The following ZP3 variants were observed in gnomAD, a reference collection of about 807,000 sequenced individuals.
ZP3 encodes zona pellucida glycoprotein 3.
Under a neutral mutation model 35.6 loss-of-function variants are expected in ZP3, and 21 were observed. The observed-to-expected ratio is 0.59, with a 90% CI of 0.42 to 0.85. The LOEUF is 0.85. ZP3 is among the 40% of genes least tolerant of loss of function. The probability of loss-of-function intolerance (pLI) is 0.00; values close to 1 mark genes in which losing one functional copy is unlikely to be tolerated. For synonymous variants in ZP3, 207 were observed against 214.5 expected (o/e 0.96, Z 0.31); for missense variants, 437 against 536.5 (o/e 0.81, Z 1.83).
chr7:76,436,208 C>T (rs1265494072), intron 5 of ZP3, among the ~76,000 whole-genome samples: 1 of 151,892 alleles, frequency 6.6e-6, no homozygotes, highest in Non-Finnish European at 1.5e-5. Flanking sequence ...TACGCCACTA[C>T]TGAGTGCCTG....
intron 2 of ZP3, among the ~76,000 whole-genome samples, chr7:76,432,633 G>C (rs1391777904): frequency 1.3e-5 from 2 of 152,154 alleles, no homozygotes; most frequent in African/African-American, 4.8e-5. Flanking sequence ...TCAAGAGGGA[G>C]CAGATCTCAG....
At chr7:76,416,905 TGTATAC>T (rs1472798382) in intron 1 of ZP3, among the ~76,000 whole-genome samples, 2 of 127,396 alleles carry the variant, frequency 1.6e-5, no homozygotes, top group African/African-American at 6.9e-5. Context: ...CACATACATA[TGTATAC>T]ATACATATAT....
intron 5 of ZP3, among the ~76,000 whole-genome samples, chr7:76,438,538 G>C (rs376316154): frequency 6.8e-4 from 60 of 88,566 alleles, no homozygotes; most frequent in African/African-American, 3.0e-3. Flanking sequence ...CTCCGTCTCA[G>C]AAAAAAAAAA....
intron 1 of ZP3, among the ~76,000 whole-genome samples, chr7:76,427,448 G>A (rs1191349855): frequency 4.0e-5 from 6 of 150,160 alleles, no homozygotes; most frequent in Admixed American, 1.3e-4. Flanking sequence ...CCCGGGAGGC[G>A]TAGGTTGCAG....
Position 76,429,575 on chromosome 7 carries a change from A to G in ZP3, c.373A>G (p.Asn125Asp), listed in dbSNP as rs1231392915. Residue 125 changes from asparagine (N) to aspartate (D), a missense_variant, in exon 2 of 8, where the codon AAC becomes GAC. By Grantham distance (23) the Asn-to-Asp change is conservative. Coordinates refer to ENST00000394857, the MANE Select transcript of ZP3 (RefSeq NM_001110354.2). ...FLLHDPRPVG[N>D]LSIVRTNRAE... ...GCTCCATGACCCCCGCCCCGTGGGA[A>G]ACCTGTCCATCGTGAGGACTAACCG... 7.4e-6 allele frequency: 12 copies of G among 1,614,034 alleles called. No individual in the cohort carries two copies. Among genetic ancestry groups the G allele is most frequent in the Non-Finnish European group, 1.0e-5 (12 of 1,179,964 alleles).
chr7:76,423,041 A>G (rs148181624), upstream of ZP3, among the ~76,000 whole-genome samples: 8,817 of 112,614 alleles, frequency 0.078, 704 homozygotes, highest in Middle Eastern at 0.11. Context: ...GAAAGAAAGA[A>G]AGAAAGAAAG....
At chr7:76,400,374 C>T (rs138202050) in intron 1 of ZP3, 4 of 1,589,824 alleles carry the variant, frequency 2.5e-6, no homozygotes, top group South Asian at 2.2e-5. Flanking sequence ...CAGCTTCCTG[C>T]CCGCGGCACT....
In ZP3 at chr7:76,417,533, C is replaced by T. The variant is rs539056756; in HGVS notation, c.-66-7519C>T. Among the ~76,000 whole-genome samples, 5 of 152,008 alleles carry T rather than the reference C, an allele frequency of 3.3e-5. No individual in the cohort carries two copies. In the East Asian group the frequency reaches 9.6e-4, roughly 29 times the overall value. ...TGGCACATTCTCAAATTTGTGATTC[C>T]TCTTATTTTCCATCACACGCCAGGT... On this transcript the variant is annotated intron_variant, in intron 1 of 8. Transcript: ENST00000336517.
intron 1 of ZP3, chr7:76,400,470 G>A: frequency 1.2e-6 from 2 of 1,608,448 alleles, no homozygotes; most frequent in Non-Finnish European, 1.7e-6. Flanking sequence ...AGCCCAGCTG[G>A]CGACACACTA....
At chr7:76,438,635 C>T (rs541753466) in intron 5 of ZP3, among the ~76,000 whole-genome samples, 4 of 146,218 alleles carry the variant, frequency 2.7e-5, no homozygotes, top group Non-Finnish European at 5.9e-5. Context: ...AGCAGGAGCT[C>T]ATATTGGGTT....
At chr7:76,414,538 G>A (rs1029917433) in intron 1 of ZP3, among the ~76,000 whole-genome samples, 6 of 151,512 alleles carry the variant, frequency 4.0e-5, no homozygotes, top group Non-Finnish European at 7.4e-5. Flanking sequence ...TGCCTATTAC[G>A]GAATGTGTGC....
chr7:76,428,492 C>T (rs886196052), intron 1 of ZP3: 9 of 152,142 alleles, frequency 5.9e-5, no homozygotes, highest in African/African-American at 1.7e-4. Flanking sequence ...GCAAAATCTT[C>T]GAACTTAGGT....
rs139777096 is a variant in ZP3, at chr7:76,408,134, G to A, written c.-67+10337G>A. 1.1e-3 allele frequency among the ~76,000 whole-genome samples: 161 copies of A among 152,246 alleles called. 1 individual carries two copies. The highest frequency in any genetic ancestry group is 3.5e-3 in the African/African-American group (147 of 41,548). Reference sequence around the variant, plus strand: ...TCTGTTTGGGCTACACTGAGAGTGGGACTGGGGGACATGGGTGCTTGTCCC... The same window carrying A: ...TCTGTTTGGGCTACACTGAGAGTGGAACTGGGGGACATGGGTGCTTGTCCC... On this transcript the variant is annotated intron_variant, in intron 1 of 8. Transcript: ENST00000336517.
chr7:76,426,877 C>G (rs1428870872), intron 1 of ZP3, among the ~76,000 whole-genome samples: 1 of 96,108 alleles, frequency 1.0e-5, no homozygotes, highest in Non-Finnish European at 2.0e-5. Flanking sequence ...CCAAACACCA[C>G]ACACACACAC....
intron 1 of ZP3, among the ~76,000 whole-genome samples, chr7:76,426,907 C>CGCACACACAA (rs1805678707): frequency 7.9e-6 from 1 of 126,870 alleles, no homozygotes; most frequent in South Asian, 2.7e-4. Context: ...CACACACACA[C>CGCACACACAA]AATAGGGTGT....
rs1805643607 is a variant in ZP3 at position 76,426,119 on chromosome 7, T to TG, written c.312+848dup. 5.3e-5 allele frequency among the ~76,000 whole-genome samples: 8 copies of TG among 149,810 alleles called. No homozygotes were observed. In the South Asian group the frequency reaches 1.7e-3, roughly 32 times the overall value. On this transcript the variant is annotated intron_variant, in intron 1 of 7. Coordinates refer to ENST00000394857, the MANE Select transcript of ZP3 (RefSeq NM_001110354.2). ...AAAAATTCCACATAGATAAGTGGTA[T>TG]GGGGGCGGGGGCATCATAACCTTGG...
At chr7:76,433,240 A>G (rs935493055) in intron 3 of ZP3, among the ~76,000 whole-genome samples, 4 of 144,450 alleles carry the variant, frequency 2.8e-5, no homozygotes, top group Non-Finnish European at 6.1e-5. Flanking sequence ...TGCAGTCTCC[A>G]CCTCCTGGGG....
At chr7:76,404,531 C>T (rs1584031959) in intron 1 of ZP3, 2 of 1,597,274 alleles carry the variant, frequency 1.3e-6, no homozygotes, top group Non-Finnish European at 1.7e-6. Context: ...CCAAATGTTG[C>T]TGGGCCTCCC....
chr7:76,415,238 T>A lies in ZP3; in HGVS notation c.-66-9814T>A, dbSNP rs1180538942. Among the ~76,000 whole-genome samples, 4 of 151,402 alleles carry A rather than the reference T, an allele frequency of 2.6e-5. No homozygotes were observed. In the South Asian group the frequency reaches 6.3e-4, roughly 24 times the overall value. The stretch of plus-strand genomic sequence containing the variant: ...TAAATTAGCCAGGTGTGGTGGCACA[T>A]GCCTGTAGTCCCAGCTACTTGGGAA... On this transcript the variant is annotated intron_variant, in intron 1 of 8. Transcript: ENST00000336517.
Sources: gnomAD v4.1 joint callset for allele counts (sites outside exome capture counted in the v4.1 genomes callset) on GRCh38, gnomAD v4.1.1 for gene constraint, MANE v1.5 for transcripts, NCBI Gene and HGNC (gene_info 2026-07-23, HGNC 2026-07-21) for gene names.